The following FAM53B variants were observed in gnomAD, a reference collection of about 807,000 sequenced individuals.
FAM53B encodes family with sequence similarity 53 member B, also known as protein FAM53B.
FAM53B carries 12 observed loss-of-function variants against 32.7 expected under a neutral mutation model. That is an observed-to-expected ratio of 0.37 (90% CI 0.24 to 0.59). The LOEUF (loss-of-function observed/expected upper bound fraction) is 0.59. Among genes scored for constraint, FAM53B ranks in the 20% least tolerant of loss-of-function variants. The pLI is 0.72. For synonymous variants in FAM53B, 234 were observed against 228.7 expected (o/e 1.02, Z -0.21); for missense variants, 477 against 577.7 (o/e 0.83, Z 1.79).
At chr10:124,666,971 T>C (rs981438987) in intron 4 of FAM53B, among the ~76,000 whole-genome samples, 4 of 152,184 alleles carry the variant, frequency 2.6e-5, no homozygotes, top group African/African-American at 7.2e-5. Context: ...CCAGCTGGCA[T>C]TGGGCCCTTC....
At chr10:124,739,900 T>A (rs1436781762) in intron 1 of FAM53B, among the ~76,000 whole-genome samples, 1 of 152,120 alleles carries the variant, frequency 6.6e-6, no homozygotes, top group Non-Finnish European at 1.5e-5. Context: ...CTAAGGCTGC[T>A]TTCAGATCCA....
chr10:124,720,847 G>A (rs372354370), intron 1 of FAM53B, among the ~76,000 whole-genome samples: 1 of 152,186 alleles, frequency 6.6e-6, no homozygotes, highest in African/African-American at 2.4e-5. Context: ...AAAAGGCAGA[G>A]GGTATTATTA....
intron 1 of FAM53B, among the ~76,000 whole-genome samples, chr10:124,723,136 G>A (rs955978635): frequency 6.6e-6 from 1 of 152,190 alleles, no homozygotes; most frequent in African/African-American, 2.4e-5. Flanking sequence ...GAATCACAGG[G>A]CCATGAAATG....
intron 2 of FAM53B, chr10:124,703,534 A>C (rs1949929974): frequency 6.6e-6 from 1 of 152,406 alleles, no homozygotes; most frequent in African/African-American, 2.4e-5. Flanking sequence ...GGCAGCGCTG[A>C]GCCAGGCCGG....
intron 2 of FAM53B, among the ~76,000 whole-genome samples, chr10:124,701,458 G>A (rs574653304): frequency 1.4e-3 from 219 of 152,374 alleles, no homozygotes; most frequent in African/African-American, 5.0e-3. Context: ...CCAGCCACCA[G>A]CTCCCTTTGG....
chr10:124,625,316 G>T (rs910282913), intron 4 of FAM53B, among the ~76,000 whole-genome samples: 6 of 152,230 alleles, frequency 3.9e-5, no homozygotes, highest in Admixed American at 3.3e-4. Flanking sequence ...AACTGAGAAA[G>T]GTGAAGGCTG....
chr10:124,724,172 T>C (rs1950087875), intron 1 of FAM53B, among the ~76,000 whole-genome samples: 1 of 152,072 alleles, frequency 6.6e-6, no homozygotes. Context: ...CTGGGGAGAT[T>C]TCCTAGAGGA....
chr10:124,656,895 G>T lies in FAM53B; in HGVS notation c.906+24712C>A, dbSNP rs186441409. 6.6e-5 allele frequency among the ~76,000 whole-genome samples: 10 copies of T among 151,958 alleles called. No homozygotes were observed. In the East Asian group the frequency reaches 9.7e-4, roughly 15 times the overall value. On this transcript the variant is annotated intron_variant, in intron 4 of 4. Coordinates refer to ENST00000337318, the MANE Select transcript of FAM53B (RefSeq NM_014661.4). The stretch of plus-strand genomic sequence containing the variant: ...CACACACCGGGGCCTGTTGTGGGGT[G>T]GGGGGAGAGGGGAGGGATAGCATTA...
chr10:124,737,724 AG>A (rs1242778060), intron 1 of FAM53B, among the ~76,000 whole-genome samples: 2 of 152,212 alleles, frequency 1.3e-5, no homozygotes, highest in Non-Finnish European at 2.9e-5. Flanking sequence ...GTATGTTCAC[AG>A]GAAGACAGGC....
chr10:124,672,020 G>A (rs17152202), intron 4 of FAM53B, among the ~76,000 whole-genome samples: 7,082 of 152,292 alleles, frequency 0.047, 207 homozygotes, highest in East Asian at 0.12. Context: ...TGGTAATTCC[G>A]GATGGCTGAT....
chr10:124,633,977 A>G (rs1313872716), intron 4 of FAM53B, among the ~76,000 whole-genome samples: 3 of 152,272 alleles, frequency 2.0e-5, no homozygotes, highest in African/African-American at 7.2e-5. Context: ...GGAATGTAAG[A>G]TGGTACAGTC....
At chr10:124,635,357 G>A (rs1474403879) in intron 4 of FAM53B, among the ~76,000 whole-genome samples, 3 of 152,204 alleles carry the variant, frequency 2.0e-5, no homozygotes, top group Non-Finnish European at 4.4e-5. Context: ...AAAGTGCTGG[G>A]ATTACAGGTG....
chr10:124,656,357 A>T (rs140420923), intron 4 of FAM53B, among the ~76,000 whole-genome samples: 1 of 152,248 alleles, frequency 6.6e-6, no homozygotes, highest in Non-Finnish European at 1.5e-5. Flanking sequence ...CTGTAGTGGG[A>T]GCGCAGGTGT....
intron 2 of FAM53B, among the ~76,000 whole-genome samples, chr10:124,698,956 T>G (rs540215355): frequency 1.3e-5 from 2 of 152,256 alleles, no homozygotes; most frequent in South Asian, 4.1e-4. Flanking sequence ...CCCTCCTCAC[T>G]CACACCACCC....
intron 3 of FAM53B, among the ~76,000 whole-genome samples, chr10:124,694,748 G>A (rs1949857961): frequency 6.6e-6 from 1 of 152,208 alleles, no homozygotes. Context: ...TAAACCACCG[G>A]GGAGGTATTC....
chr10:124,738,748 T>G (rs1950185100), intron 1 of FAM53B, among the ~76,000 whole-genome samples: 1 of 151,956 alleles, frequency 6.6e-6, no homozygotes, highest in Admixed American at 6.6e-5. Context: ...AGACCTGGAG[T>G]GGCAACCACC....
At chr10:124,655,064 T>C (rs1949579584) in intron 4 of FAM53B, among the ~76,000 whole-genome samples, 1 of 152,152 alleles carries the variant, frequency 6.6e-6, no homozygotes, top group South Asian at 2.1e-4. Context: ...TTTTAGATGA[T>C]GGCAACACAG....
chr10:124,710,677 C>A (rs556898431), intron 1 of FAM53B, among the ~76,000 whole-genome samples: 2 of 152,384 alleles, frequency 1.3e-5, no homozygotes, highest in East Asian at 3.9e-4. Flanking sequence ...GGGGCACACA[C>A]CCTGCCATGG....
intron 4 of FAM53B, among the ~76,000 whole-genome samples, chr10:124,661,981 C>T (rs1168138936): frequency 6.6e-6 from 1 of 152,188 alleles, no homozygotes; most frequent in African/African-American, 2.4e-5. Flanking sequence ...TGCCTCACAC[C>T]AGGGATCCTC....
Sources: allele counts gnomAD v4.1 joint callset (sites outside exome capture counted in the v4.1 genomes callset), GRCh38; gene constraint gnomAD v4.1.1; transcripts MANE v1.5; gene names NCBI Gene and HGNC (gene_info 2026-07-23, HGNC 2026-07-21).